Variants in CTR9 observed in about 807,000 individuals in gnomAD.
The protein encoded by CTR9 is CTR9 component of Paf1/RNA polymerase II complex, also known as RNA polymerase-associated protein CTR9 homolog.
In CTR9, 41 loss-of-function variants were observed where a neutral mutation model predicts 152.1. That is an observed-to-expected ratio of 0.27 (90% CI 0.21 to 0.35). CTR9 has a LOEUF of 0.35. CTR9 is among the 10% of genes least tolerant of loss of function. The pLI is 1.00. For missense variants in CTR9, 917 were observed against 1,424.4 expected, an observed-to-expected ratio of 0.64 and a Z score of 5.73; for synonymous variants, 476 against 496.2, an observed-to-expected ratio of 0.96 and a Z score of 0.54.
Position 10,773,915 on chromosome 11 carries a change from C to T in CTR9, c.2728-97C>T, listed in dbSNP as rs117224527. 11,882 of 668,882 alleles carry T rather than the reference C, an allele frequency of 0.018. 143 individuals carry two copies. Among genetic ancestry groups the T allele is most frequent in the Non-Finnish European group, 0.022 (9,163 of 422,074 alleles). The allele number at this position is 668,882 out of a possible 1,614,324, so 41.4% of individuals were successfully genotyped here. A position where few individuals can be genotyped will look rare whatever the true frequency, so the allele number is the denominator to read the frequency against. ...AAAAAAAAAAAAAATCCTTCATTGTCAAATGACAATGGATATGGCCCCTTT... is the reference window on the plus strand; with the variant it reads ...AAAAAAAAAAAAAATCCTTCATTGTTAAATGACAATGGATATGGCCCCTTT... On this transcript the variant is annotated intron_variant, in intron 21 of 24. Transcript: ENST00000361367.
rs1564969567 is a variant in CTR9 at position 10,767,789 on chromosome 11, A to G, written c.1687-17A>G. 1.9e-6 allele frequency: 3 copies of G among 1,612,612 alleles called. No homozygotes were observed. The highest frequency in any genetic ancestry group is 1.7e-4 in the Middle Eastern group (1 of 6,054). On this transcript the variant is annotated splice_polypyrimidine_tract_variant and intron_variant, in intron 13 of 24. Coordinates refer to ENST00000361367, the MANE Select transcript of CTR9 (RefSeq NM_014633.5). The surrounding 1 kb of genome is among the most constrained non-coding windows in gnomAD (Gnocchi z 4.0). ...ACTAAACTGCAGATTTTCCTTCTTC[A>G]TGTATGTATGTTTCAGGATCATCCA...
chr11:10,765,184 A>T (rs1001101235), intron 12 of CTR9, among the ~76,000 whole-genome samples: 1 of 152,222 alleles, frequency 6.6e-6, no homozygotes, highest in Non-Finnish European at 1.5e-5. Flanking sequence ...GTTTTTAATT[A>T]AAAAATAATT....
intron 6 of CTR9, among the ~76,000 whole-genome samples, chr11:10,761,351 A>G (rs1276481141): frequency 3.0e-5 from 4 of 131,532 alleles, no homozygotes; most frequent in Admixed American, 1.6e-4. Flanking sequence ...ACAGGCTACA[A>G]AATCTGGATT....
Position 10,762,011 on chromosome 11 carries a change from C to A in CTR9, c.806C>A (p.Pro269His), listed in dbSNP as rs767044434. Residue 269 changes from proline to histidine, a missense_variant, in exon 7 of 25, where the codon CCT (proline) becomes CAT (histidine). Pro to His is a moderately conservative substitution (Grantham distance 77). Transcript: ENST00000361367. ...GCCTATACTATTGATCCTAGCAACC[C>A]TATGGTATTGAACCATTTGGCAAAT... ...SRAYTIDPSN[P>H]MVLNHLANHF... The A allele has an allele frequency of 6.2e-7, 1 of 1,609,854 alleles. No homozygotes were observed. The highest frequency in any genetic ancestry group is 8.5e-7 in the Non-Finnish European group (1 of 1,178,378).
intron 16 of CTR9, among the ~76,000 whole-genome samples, chr11:10,769,956 A>C (rs778352652): frequency 2.6e-5 from 4 of 152,218 alleles, no homozygotes; most frequent in East Asian, 1.9e-4. Flanking sequence ...CTTTCTTTCA[A>C]TGTTGGTCCA....
chr11:10,770,265 A>T lies in CTR9; in HGVS notation c.2165A>T (p.Tyr722Phe). 6.2e-7 allele frequency: 1 copy of T among 1,614,054 alleles called. No homozygotes were observed. Among genetic ancestry groups the T allele is most frequent in the Non-Finnish European group, 8.5e-7 (1 of 1,179,968 alleles). The change falls in exon 17 of 25, where the codon TAT (tyrosine) becomes TTT (phenylalanine). Residue 722 changes from tyrosine (Y) to phenylalanine (F), a missense_variant. Tyr to Phe is a conservative substitution (Grantham distance 22, BLOSUM62 3). Coordinates refer to ENST00000361367, the MANE Select transcript of CTR9 (RefSeq NM_014633.5). The part of the protein sequence containing the change: ...YKHQNTEVVL[Y>F]LARALFKCGK... ...CACCAAAACACTGAAGTTGTACTCT[A>T]TTTGGCCCGGGCCCTCTTCAAGTGT...
chr11:10,769,283 T>A (rs1863106102), intron 16 of CTR9, among the ~76,000 whole-genome samples: 1 of 152,208 alleles, frequency 6.6e-6, no homozygotes, highest in South Asian at 2.1e-4. Context: ...AGAATTTTTT[T>A]ATGCTTACAT....
intron 5 of CTR9, among the ~76,000 whole-genome samples, chr11:10,757,587 A>G (rs1037508308): frequency 2.0e-5 from 3 of 152,228 alleles, no homozygotes; most frequent in African/African-American, 7.2e-5. Flanking sequence ...TCAAGAAAAA[A>G]AAAGTCTGGA....
At chr11:10,751,542 G>A (rs1862801781) in intron 1 of CTR9, 85 bp downstream of exon 1, 2 of 1,305,680 alleles carry the variant, frequency 1.5e-6, no homozygotes, top group Non-Finnish European at 2.2e-6. Flanking sequence ...TTTCTGAAGC[G>A]AGAGCATCCT....
chr11:10,753,414 G>A (rs1862836059), intron 2 of CTR9, among the ~76,000 whole-genome samples: 1 of 152,060 alleles, frequency 6.6e-6, no homozygotes, highest in Non-Finnish European at 1.5e-5. Flanking sequence ...AAGTAGATAT[G>A]CCACATTGCT....
At chr11:10,765,574 G>T (rs562263207) in intron 12 of CTR9, among the ~76,000 whole-genome samples, 1 of 152,184 alleles carries the variant, frequency 6.6e-6, no homozygotes, top group Non-Finnish European at 1.5e-5. Context: ...TGATTCTCCT[G>T]CCTCAGCCTC....
chr11:10,759,547 C>T (rs533983718), intron 5 of CTR9, among the ~76,000 whole-genome samples: 11 of 152,090 alleles, frequency 7.2e-5, no homozygotes, highest in Admixed American at 1.3e-4. Flanking sequence ...CAGACATGAT[C>T]GACAACTGGA....
intron 3 of CTR9, among the ~76,000 whole-genome samples, 167 bp downstream of exon 3, chr11:10,755,364 G>A (rs910248850): frequency 6.6e-6 from 1 of 152,170 alleles, no homozygotes; most frequent in Admixed American, 6.5e-5. Context: ...TTTGGTTTTT[G>A]TACTGTTTAA....
intron 1 of CTR9, 82 bp from the exon 2 acceptor site, chr11:10,752,590 G>A: frequency 4.2e-6 from 4 of 960,302 alleles, no homozygotes; most frequent in Non-Finnish European, 5.1e-6. Context: ...TATGCATGTT[G>A]ATTATATTCA....
chr11:10,770,296 G>A lies in CTR9; in HGVS notation c.2196G>A (p.Lys732=), dbSNP rs1192260260. Residue 732 remains lysine (K), a synonymous_variant, in exon 17 of 25, where the codon AAG becomes AAA. Transcript: ENST00000361367. ...CCCGGGCCCTCTTCAAGTGTGGCAA[G>A]TTACAGGAATGCAAACAGACTTTGC... ...YLARALFKCG[K]LQECKQTLLK... is the part of the protein sequence containing the mutation. The A allele has an allele frequency of 6.2e-7, 1 of 1,613,838 alleles. No homozygotes were observed. Among genetic ancestry groups the A allele is most frequent in the African/African-American group, 1.3e-5 (1 of 74,922 alleles).
intron 2 of CTR9, 24 bp downstream of exon 2, chr11:10,752,794 T>G (rs1276804738): frequency 6.4e-7 from 1 of 1,560,682 alleles, no homozygotes; most frequent in East Asian, 2.2e-5. Flanking sequence ...TAGCAAATAT[T>G]TTTTATTTGT....
chr11:10,751,613 C>T (rs142272265), intron 1 of CTR9, among the ~76,000 whole-genome samples, 156 bp downstream of exon 1: 51 of 152,266 alleles, frequency 3.3e-4, no homozygotes, highest in Non-Finnish European at 6.3e-4. Flanking sequence ...CTTCTTCAGC[C>T]CCTGTGCCCT....
rs907558301 is a variant in CTR9, at chr11:10,751,284, C to G, written c.-129C>G. On this transcript the variant is annotated 5_prime_UTR_variant, in exon 1 of 25. Coordinates refer to ENST00000361367, the MANE Select transcript of CTR9 (RefSeq NM_014633.5). ...CTGACGGGAAGGAGAAGCCAGAGCT[C>G]CAGCGGCGCCGCGGGGCGGCAGTCA... 7.1e-6 allele frequency: 7 copies of G among 980,410 alleles called. No homozygotes were observed. The highest frequency in any genetic ancestry group is 1.1e-5 in the Non-Finnish European group (7 of 637,594). The allele number at this position is 980,410 out of a possible 1,614,324, so 60.7% of individuals were successfully genotyped here.
chr11:10,768,624 T>G, intron 16 of CTR9, 133 bp downstream of exon 16: 1 of 921,524 alleles, frequency 1.1e-6, no homozygotes, highest in Non-Finnish European at 1.5e-6. Context: ...GATTTATAAT[T>G]ATATAATGCT....
Sources: gnomAD v4.1 joint callset for allele counts (sites outside exome capture counted in the v4.1 genomes callset) on GRCh38, gnomAD v4.1.1 for gene constraint, Gnocchi (gnomAD v3.1) non-coding constraint, MANE v1.5 for transcripts, NCBI Gene and HGNC (gene_info 2026-07-23, HGNC 2026-07-21) for gene names.